COL28A1: variants seen among roughly 807,000 people sequenced by gnomAD.
The protein encoded by COL28A1 is collagen type XXVIII alpha 1 chain, also known as collagen alpha-1(XXVIII) chain.
COL28A1 carries 161 observed loss-of-function variants against 150.2 expected under a neutral mutation model. The ratio of observed to expected loss-of-function variants is 1.07; its 90% CI spans 0.94 to 1.22. The LOEUF is 1.22. Among genes scored for constraint, COL28A1 ranks in the 50% most tolerant of loss-of-function variants. The pLI, the probability that COL28A1 is intolerant of heterozygous loss-of-function variation, is 0.00. For missense variants in COL28A1, 1,617 were observed against 1,388.3 expected, an observed-to-expected ratio of 1.16 and a Z score of -2.62; for synonymous variants, 552 against 469.7, an observed-to-expected ratio of 1.18 and a Z score of -2.26.
chr7:7,400,346 A>C (rs2128298466), intron 27 of COL28A1, among the ~76,000 whole-genome samples: 1 of 152,346 alleles, frequency 6.6e-6, no homozygotes, highest in Middle Eastern at 3.4e-3. Context: ...AAGGCCAAGC[A>C]ATAGAAAATA....
chr7:7,393,996 G>A (rs1201099765), intron 27 of COL28A1, among the ~76,000 whole-genome samples: 1 of 151,012 alleles, frequency 6.6e-6, no homozygotes, highest in Non-Finnish European at 1.5e-5. Flanking sequence ...AAACACTCCT[G>A]CAGCTAGCTC....
chr7:7,417,674 C>T, intron 27 of COL28A1, 185 bp downstream of exon 27: 1 of 612,156 alleles, frequency 1.6e-6, no homozygotes, highest in Non-Finnish European at 2.9e-6. Flanking sequence ...TTAGCATTTG[C>T]TGAAGTATTG....
intron 4 of COL28A1, among the ~76,000 whole-genome samples, chr7:7,523,025 T>C (rs1389057357): frequency 1.3e-5 from 2 of 152,068 alleles, no homozygotes; most frequent in African/African-American, 4.8e-5. Flanking sequence ...TATGTATATA[T>C]GAAAGTGATA....
chr7:7,513,526 G>A (rs545382800), intron 8 of COL28A1, among the ~76,000 whole-genome samples: 6 of 152,180 alleles, frequency 3.9e-5, no homozygotes, highest in Non-Finnish European at 7.3e-5. Context: ...ACATCCTTTC[G>A]TGAGTCAAAC....
chr7:7,409,475 T>C (rs1005372107), intron 27 of COL28A1, among the ~76,000 whole-genome samples: 3 of 152,146 alleles, frequency 2.0e-5, no homozygotes, highest in Non-Finnish European at 1.5e-5. Context: ...AAAACCAATT[T>C]AAACCAGCAG....
rs114013092 is a variant in COL28A1 at position 7,487,072 on chromosome 7, T to C, written c.1164+2317A>G. On this transcript the variant is annotated intron_variant, in intron 13 of 34. Transcript: ENST00000399429. ...AAATCTAAAGCAAGAGTAGTAAATG[T>C]ACTAAGTATAATTGTCTACCTGGCG... Among the ~76,000 whole-genome samples the C allele has an allele frequency of 2.6e-3, 394 of 152,298 alleles. 2 individuals carry two copies. Among genetic ancestry groups the C allele is most frequent in the African/African-American group, 9.0e-3 (374 of 41,568 alleles).
intron 30 of COL28A1, among the ~76,000 whole-genome samples, chr7:7,378,239 C>T (rs1781670476): frequency 1.3e-5 from 2 of 152,136 alleles, no homozygotes; most frequent in South Asian, 4.1e-4. Context: ...CTTTTTGAAA[C>T]CGGTGTGTTT....
chr7:7,425,880 A>G (rs902210625), intron 25 of COL28A1, among the ~76,000 whole-genome samples: 5 of 152,192 alleles, frequency 3.3e-5, no homozygotes, highest in African/African-American at 4.8e-5. Context: ...GAAACAACCC[A>G]TTATACCTTA....
intron 34 of COL28A1, among the ~76,000 whole-genome samples, chr7:7,359,615 A>G (rs866081302): frequency 1.3e-5 from 2 of 152,310 alleles, no homozygotes; most frequent in South Asian, 2.1e-4. Context: ...AAAATCCCCA[A>G]ATAGATAATT....
the COL28A1 span, among the ~76,000 whole-genome samples, chr7:7,347,255 C>G: frequency 6.6e-6 from 1 of 152,078 alleles, no homozygotes; most frequent in African/African-American, 2.4e-5. Flanking sequence ...GTTACAGCCT[C>G]CTTTGAATGA....
chr7:7,523,456 C>A (rs1169949939), intron 4 of COL28A1, among the ~76,000 whole-genome samples: 2 of 151,908 alleles, frequency 1.3e-5, no homozygotes, highest in Middle Eastern at 3.4e-3. Flanking sequence ...CCATGCCTGG[C>A]CGTTTTTTTT....
At chr7:7,445,530 A>G (rs574817455) in intron 18 of COL28A1, among the ~76,000 whole-genome samples, 23 of 152,346 alleles carry the variant, frequency 1.5e-4, no homozygotes, top group African/African-American at 5.5e-4. Context: ...GAAAACTAAT[A>G]TAAAAGTGAA....
At chr7:7,388,693 G>T (rs1011101131) in intron 27 of COL28A1, among the ~76,000 whole-genome samples, 3 of 151,982 alleles carry the variant, frequency 2.0e-5, no homozygotes, top group Non-Finnish European at 4.4e-5. Context: ...TTTAATGATC[G>T]CCATTCTAAC....
At chr7:7,471,597 T>G (rs747459732) in intron 15 of COL28A1, among the ~76,000 whole-genome samples, 1 of 152,136 alleles carries the variant, frequency 6.6e-6, no homozygotes, top group Admixed American at 6.5e-5. Flanking sequence ...ATACACCACA[T>G]GAACAGAATA....
At position 7,433,452 on chromosome 7, in the gene COL28A1, G is replaced by A. The variant is rs188704064; in HGVS notation, c.1861-752C>T. Among the ~76,000 whole-genome samples, 739 of 152,084 alleles carry A rather than the reference G, an allele frequency of 4.9e-3. 9 individuals are homozygous for A. Among genetic ancestry groups the A allele is most frequent in the East Asian group, 0.028 (143 of 5,156 alleles). ...AGTTCAAGACCAGCCTGGCCAACAC[G>A]GTGAAACCCCGTCTCTACTAAAAAT... On this transcript the variant is annotated intron_variant, in intron 23 of 34. Transcript: ENST00000399429.
intron 3 of COL28A1, among the ~76,000 whole-genome samples, chr7:7,527,328 A>G (rs961122435): frequency 2.6e-5 from 4 of 152,238 alleles, no homozygotes; most frequent in African/African-American, 9.6e-5. Flanking sequence ...AGCCGCTAAC[A>G]AGATGGCTTC....
chr7:7,453,636 C>T (rs913254702), intron 16 of COL28A1, 128 bp from the exon 17 acceptor site: 8 of 622,656 alleles, frequency 1.3e-5, no homozygotes, highest in Non-Finnish European at 2.2e-5. Context: ...GAGTGGGGTG[C>T]CAGGGGCTGC....
the COL28A1 span, among the ~76,000 whole-genome samples, chr7:7,350,294 C>A: frequency 6.6e-6 from 1 of 152,092 alleles, no homozygotes; most frequent in African/African-American, 2.4e-5. Context: ...CAGAGGCCAG[C>A]TGCAGTCATT....
chr7:7,355,588 A>G (rs1242690480), downstream of COL28A1, among the ~76,000 whole-genome samples: 1 of 152,144 alleles, frequency 6.6e-6, no homozygotes, highest in African/African-American at 2.4e-5. Context: ...ACTCTGGGCA[A>G]CAGAGCAACA....
Sources: gnomAD v4.1 joint callset for allele counts (sites outside exome capture counted in the v4.1 genomes callset) on GRCh38, gnomAD v4.1.1 for gene constraint, MANE v1.5 for transcripts, NCBI Gene and HGNC (gene_info 2026-07-23, HGNC 2026-07-21) for gene names.